The following BBS9 variants were observed in gnomAD, a reference collection of about 807,000 sequenced individuals.
BBS9 encodes the protein Bardet-Biedl syndrome 9.
Under a neutral mutation model 117.7 loss-of-function variants are expected in BBS9, and 89 were observed. The ratio of observed to expected loss-of-function variants is 0.76; its 90% CI spans 0.64 to 0.90. The LOEUF (loss-of-function observed/expected upper bound fraction) is 0.90, where lower values mean the gene tolerates loss of function less well. Among genes scored for constraint, BBS9 ranks in the 40% least tolerant of loss-of-function variants. BBS9 has a pLI of 0.00. For missense variants in BBS9, 982 were observed against 1,042.2 expected (o/e 0.94, Z 0.80); for synonymous variants, 379 against 370.9 (o/e 1.02, Z -0.25).
chr7:33,143,957 T>C (rs1791947498), intron 1 of BBS9, among the ~76,000 whole-genome samples: 1 of 151,960 alleles, frequency 6.6e-6, no homozygotes, highest in South Asian at 2.1e-4. Context: ...TGTTGAGTTG[T>C]AGGAGTTCTT....
intron 21 of BBS9, among the ~76,000 whole-genome samples, chr7:33,538,072 G>A (rs1194019223): frequency 6.6e-6 from 1 of 152,264 alleles, no homozygotes; most frequent in Non-Finnish European, 1.5e-5. Flanking sequence ...AGGAAAAGGG[G>A]TGTAAAGACA....
At chr7:33,163,518 T>G (rs6957079) in intron 4 of BBS9, among the ~76,000 whole-genome samples, 27,365 of 152,080 alleles carry the variant, frequency 0.18, 2,852 homozygotes, top group East Asian at 0.43. Context: ...ACCTGTTATT[T>G]GTCTATTCAG....
At chr7:33,239,073 G>A (rs2128279529) in intron 5 of BBS9, among the ~76,000 whole-genome samples, 1 of 152,086 alleles carries the variant, frequency 6.6e-6, no homozygotes, top group East Asian at 1.9e-4. Flanking sequence ...ACAGAGATGG[G>A]CTTAATTTAT....
chr7:33,437,134 C>A (rs1398382505), intron 19 of BBS9, among the ~76,000 whole-genome samples: 5 of 152,190 alleles, frequency 3.3e-5, no homozygotes, highest in African/African-American at 1.2e-4. Context: ...TCTGCTTTAG[C>A]CCCATCTCAG....
At chr7:33,184,160 C>T (rs1798479903) in intron 5 of BBS9, among the ~76,000 whole-genome samples, 1 of 151,880 alleles carries the variant, frequency 6.6e-6, no homozygotes, top group South Asian at 2.1e-4. Context: ...AAAGCATTGC[C>T]TGCAGTGGGG....
chr7:33,398,342 A>C (rs1828346473), intron 19 of BBS9, among the ~76,000 whole-genome samples: 1 of 151,928 alleles, frequency 6.6e-6, no homozygotes, highest in Non-Finnish European at 1.5e-5. Flanking sequence ...TAGAGTTTTG[A>C]ATTATTCCAT....
At chr7:33,624,030 T>C (rs1865530456) in intron 21 of BBS9, among the ~76,000 whole-genome samples, 1 of 151,988 alleles carries the variant, frequency 6.6e-6, no homozygotes, top group South Asian at 2.1e-4. Flanking sequence ...GACTGTTTAA[T>C]TTATTTTACC....
At chr7:33,473,728 T>G (rs1841416588) in intron 19 of BBS9, among the ~76,000 whole-genome samples, 1 of 152,214 alleles carries the variant, frequency 6.6e-6, no homozygotes. Flanking sequence ...TTGACTTTGA[T>G]TCTAACTAGA....
chr7:33,151,698 C>T (rs558102980), intron 2 of BBS9, among the ~76,000 whole-genome samples: 28 of 151,894 alleles, frequency 1.8e-4, no homozygotes, highest in Non-Finnish European at 2.5e-4. Flanking sequence ...TACGGGCATG[C>T]GCCACCACAC....
intron 9 of BBS9, among the ~76,000 whole-genome samples, chr7:33,316,047 G>A (rs982721160): frequency 2.0e-5 from 3 of 152,054 alleles, no homozygotes; most frequent in Admixed American, 1.3e-4. Context: ...TCATCCACAC[G>A]TCTCTCAAGT....
chr7:33,212,547 C>G (rs1359337512), intron 5 of BBS9, among the ~76,000 whole-genome samples: 1 of 152,080 alleles, frequency 6.6e-6, no homozygotes, highest in East Asian at 1.9e-4. Context: ...TGGGATTGGT[C>G]CTGGTGCCTT....
chr7:33,501,932 G>A (rs1845506472), intron 19 of BBS9, among the ~76,000 whole-genome samples: 1 of 148,928 alleles, frequency 6.7e-6, no homozygotes, highest in Non-Finnish European at 1.5e-5. Context: ...TTTTTTTTGA[G>A]ATGGAGTCTC....
intron 19 of BBS9, among the ~76,000 whole-genome samples, chr7:33,428,104 A>C (rs114020021): frequency 7.7e-4 from 118 of 152,306 alleles, no homozygotes; most frequent in African/African-American, 2.6e-3. Flanking sequence ...TCCAAACTAG[A>C]CATTTTGGAG....
chr7:33,474,950 AAAC>A (rs1399523602), intron 19 of BBS9, among the ~76,000 whole-genome samples: 1 of 152,194 alleles, frequency 6.6e-6, no homozygotes, highest in Non-Finnish European at 1.5e-5. Flanking sequence ...TCAAACAAAC[AAAC>A]AAAAAGGAAT....
At chr7:33,547,594 CTT>C (rs1460023262) in intron 21 of BBS9, among the ~76,000 whole-genome samples, 3 of 152,094 alleles carry the variant, frequency 2.0e-5, no homozygotes, top group African/African-American at 7.2e-5. Flanking sequence ...GAAGTAAAGT[CTT>C]ATAATGGTTT....
chr7:33,535,578 C>G (rs1015422677), intron 21 of BBS9, among the ~76,000 whole-genome samples: 1 of 152,146 alleles, frequency 6.6e-6, no homozygotes, highest in Non-Finnish European at 1.5e-5. Flanking sequence ...TCATTTAGAA[C>G]CTCTTTATCT....
intron 9 of BBS9, among the ~76,000 whole-genome samples, chr7:33,294,237 C>G (rs577166184): frequency 1.3e-5 from 2 of 152,130 alleles, no homozygotes; most frequent in African/African-American, 2.4e-5. Context: ...AACCCTCCCC[C>G]CCATATGCCA....
chr7:33,539,775 G>A (rs556859995), intron 21 of BBS9, among the ~76,000 whole-genome samples: 53 of 152,292 alleles, frequency 3.5e-4, no homozygotes, highest in African/African-American at 9.9e-4. Flanking sequence ...CTGGCCTTGC[G>A]TGTGACAGGC....
intron 19 of BBS9, among the ~76,000 whole-genome samples, chr7:33,440,502 TG>T (rs965429925): frequency 9.2e-5 from 14 of 152,108 alleles, no homozygotes; most frequent in African/African-American, 3.4e-4. Context: ...TGGTGCTTGG[TG>T]GGGATGCTAC....
Sources: allele counts gnomAD v4.1 joint callset (sites outside exome capture counted in the v4.1 genomes callset), GRCh38; gene constraint gnomAD v4.1.1; transcripts MANE v1.5; gene names NCBI Gene and HGNC (gene_info 2026-07-23, HGNC 2026-07-21).